Variants in NRG3 observed in about 807,000 individuals in gnomAD.
NRG3 encodes the protein neuregulin 3.
Under a neutral mutation model 66.9 loss-of-function variants are expected in NRG3, and 31 were observed. That is an observed-to-expected ratio of 0.46 (90% CI 0.35 to 0.63). The LOEUF (loss-of-function observed/expected upper bound fraction) is 0.63. NRG3 is among the 20% of genes least tolerant of loss of function. The probability of loss-of-function intolerance (pLI) is 0.00; values close to 1 mark genes in which losing one functional copy is unlikely to be tolerated. For synonymous variants in NRG3, 393 were observed against 359.4 expected, an observed-to-expected ratio of 1.09 and a Z score of -1.06; for missense variants, 910 against 878.9, an observed-to-expected ratio of 1.04 and a Z score of -0.45.
intron 2 of NRG3, among the ~76,000 whole-genome samples, chr10:82,512,270 A>T (rs1845251367): frequency 6.6e-6 from 1 of 151,514 alleles, no homozygotes; most frequent in Non-Finnish European, 1.5e-5. Flanking sequence ...CGTATAATTT[A>T]TTTTTATTTA....
chr10:82,814,365 A>C (rs895772923), intron 3 of NRG3, among the ~76,000 whole-genome samples: 2 of 152,222 alleles, frequency 1.3e-5, no homozygotes, highest in Non-Finnish European at 2.9e-5. Context: ...GTGTTTAGAG[A>C]TTTGCCTAGG....
At chr10:82,733,772 A>G (rs1395410226) in intron 2 of NRG3, among the ~76,000 whole-genome samples, 2 of 152,188 alleles carry the variant, frequency 1.3e-5, no homozygotes, top group Non-Finnish European at 2.9e-5. Context: ...TTGAAGAATG[A>G]TCTGGAAATG....
intron 3 of NRG3, among the ~76,000 whole-genome samples, chr10:82,797,402 C>G (rs1170864292): frequency 6.6e-6 from 1 of 152,180 alleles, no homozygotes; most frequent in Admixed American, 6.5e-5. Flanking sequence ...ACTTGACTAT[C>G]CAGGTGCCTT....
chr10:82,477,028 C>G (rs1841846235), intron 2 of NRG3, among the ~76,000 whole-genome samples: 1 of 152,096 alleles, frequency 6.6e-6, no homozygotes, highest in African/African-American at 2.4e-5. Context: ...ACTTCTGGGC[C>G]AGGGTGAACA....
chr10:82,783,158 G>A (rs11195950), intron 3 of NRG3, among the ~76,000 whole-genome samples: 1,609 of 152,004 alleles, frequency 0.011, 25 homozygotes, highest in African/African-American at 0.037. Context: ...ATTCAACAAC[G>A]CTTCATGCTA....
intron 2 of NRG3, among the ~76,000 whole-genome samples, chr10:82,588,541 C>T (rs778865383): frequency 1.6e-4 from 25 of 151,902 alleles, no homozygotes; most frequent in Non-Finnish European, 3.2e-4. Flanking sequence ...CTCGCTCTGT[C>T]GCCCAGGCTG....
rs1416825336 is a variant in NRG3 at position 82,559,480 on chromosome 10, T to TA, written c.954-179097_954-179096insA. Among the ~76,000 whole-genome samples, 18 of 152,318 alleles carry TA rather than the reference T, an allele frequency of 1.2e-4. No homozygotes were observed. The South Asian group carries it at 2.7e-3, about 23-fold the overall frequency. On this transcript the variant is annotated intron_variant, in intron 2 of 8. Transcript: ENST00000372141. The stretch of plus-strand genomic sequence containing the variant: ...AACTTGAAGGAATGGGCCTCTATTA[T>TA]GAGCCATGCTGTGTCCAGTCATCAG...
intron 2 of NRG3, among the ~76,000 whole-genome samples, chr10:82,554,293 C>G (rs957750528): frequency 6.6e-6 from 1 of 151,984 alleles, no homozygotes; most frequent in Non-Finnish European, 1.5e-5. Context: ...TGACTGTTCT[C>G]AAAGAAATTA....
rs112013363 is a variant in NRG3, at chr10:82,578,049, C to A, written c.954-160528C>A. ...GTTACCAGCAAAACACAGACAAAGG[C>A]CAATAAAGAAGGAACACACAAACAC... On this transcript the variant is annotated intron_variant, in intron 2 of 8. Coordinates refer to ENST00000372141, the MANE Select transcript of NRG3 (RefSeq NM_001010848.4). 1.7e-3 allele frequency among the ~76,000 whole-genome samples: 253 copies of A among 151,280 alleles called. 2 individuals carry two copies. Among genetic ancestry groups the A allele is most frequent in the African/African-American group, 5.8e-3 (238 of 41,346 alleles).
At chr10:82,836,945 A>G (rs574759575) in intron 3 of NRG3, among the ~76,000 whole-genome samples, 2 of 151,912 alleles carry the variant, frequency 1.3e-5, no homozygotes, top group African/African-American at 4.8e-5. Context: ...TCCTGTGTCC[A>G]TGTGTTCTCA....
At chr10:82,885,400 A>G (rs1332354265) in intron 4 of NRG3, among the ~76,000 whole-genome samples, 1 of 152,080 alleles carries the variant, frequency 6.6e-6, no homozygotes, top group Non-Finnish European at 1.5e-5. Context: ...TATGCCCAAC[A>G]TCTTAGGAGG....
intron 5 of NRG3, among the ~76,000 whole-genome samples, chr10:82,953,335 T>C (rs907613845): frequency 1.3e-5 from 2 of 152,152 alleles, no homozygotes; most frequent in Non-Finnish European, 2.9e-5. Flanking sequence ...AAATGACAGA[T>C]AGGTTCTTTA....
chr10:82,528,167 A>T (rs1171835661), intron 2 of NRG3, among the ~76,000 whole-genome samples: 1 of 152,190 alleles, frequency 6.6e-6, no homozygotes, highest in Non-Finnish European at 1.5e-5. Context: ...GGAGTCTTTA[A>T]CAACTATTGT....
At chr10:82,639,091 A>G (rs1388380881) in intron 2 of NRG3, among the ~76,000 whole-genome samples, 1 of 152,178 alleles carries the variant, frequency 6.6e-6, no homozygotes, top group Non-Finnish European at 1.5e-5. Context: ...CTCTTTATGT[A>G]TGAAGGCTTT....
chr10:82,366,669 CTTTTTTAT>C (rs1354047872), intron 2 of NRG3, among the ~76,000 whole-genome samples: 2 of 151,984 alleles, frequency 1.3e-5, no homozygotes, highest in African/African-American at 2.4e-5. Context: ...AGGCTGTTGA[CTTTTTTAT>C]TTTTTTATTT....
intron 1 of NRG3, among the ~76,000 whole-genome samples, chr10:81,938,480 C>T (rs1013923879): frequency 6.6e-6 from 1 of 150,834 alleles, no homozygotes; most frequent in Non-Finnish European, 1.5e-5. Context: ...TTTTATTCTC[C>T]TTGATGATAT....
At chr10:82,573,641 G>A (rs933987991) in intron 2 of NRG3, among the ~76,000 whole-genome samples, 3 of 151,750 alleles carry the variant, frequency 2.0e-5, no homozygotes, top group Non-Finnish European at 4.4e-5. Context: ...GTAGTGCATA[G>A]GAGATGTAGA....
chr10:81,982,939 T>C (rs7911681), intron 1 of NRG3, among the ~76,000 whole-genome samples: 11,556 of 152,282 alleles, frequency 0.076, 542 homozygotes, highest in African/African-American at 0.14. Flanking sequence ...GAAGCATAGC[T>C]TTAGCCCATG....
At chr10:82,257,656 A>T (rs1048112874) in intron 1 of NRG3, among the ~76,000 whole-genome samples, 9 of 151,900 alleles carry the variant, frequency 5.9e-5, no homozygotes, top group African/African-American at 2.2e-4. Context: ...AATCCCAGCT[A>T]CTCAGGAGCA....
Sources: gnomAD v4.1 joint callset for allele counts (sites outside exome capture counted in the v4.1 genomes callset) on GRCh38, gnomAD v4.1.1 for gene constraint, MANE v1.5 for transcripts, NCBI Gene and HGNC (gene_info 2026-07-23, HGNC 2026-07-21) for gene names.